The following L3MBTL1 variants were observed in gnomAD, a reference collection of about 807,000 sequenced individuals.
The protein encoded by L3MBTL1 is lethal(3)malignant brain tumor-like protein 1.
A neutral mutation model predicts 105.3 loss-of-function variants in L3MBTL1; 75 were observed. The ratio of observed to expected loss-of-function variants is 0.71; its 90% CI spans 0.59 to 0.86. The LOEUF is 0.86. Among genes scored for constraint, L3MBTL1 ranks in the 40% least tolerant of loss-of-function variants. The pLI, the probability that L3MBTL1 is intolerant of heterozygous loss-of-function variation, is 0.00. For synonymous variants in L3MBTL1, 452 were observed against 436.2 expected (o/e 1.04, Z -0.45); for missense variants, 1,069 against 1,126.4 (o/e 0.95, Z 0.73).
intron 7 of L3MBTL1, among the ~76,000 whole-genome samples, chr20:43,517,687 G>A (rs1233566483): frequency 1.3e-5 from 2 of 152,188 alleles, no homozygotes; most frequent in Non-Finnish European, 2.9e-5. Flanking sequence ...TTTTTATGTT[G>A]ATGGTTTCTC....
chr20:43,510,406 CTTT>C (rs11476429), intron 1 of L3MBTL1, among the ~76,000 whole-genome samples: 162 of 127,560 alleles, frequency 1.3e-3, no homozygotes, highest in African/African-American at 4.1e-3. Flanking sequence ...TTCTTTCTTT[CTTT>C]TTTTTTTTTT....
At chr20:43,514,386 G>T in intron 3 of L3MBTL1, 1 of 1,408,390 alleles carries the variant, frequency 7.1e-7, no homozygotes, top group Non-Finnish European at 9.3e-7. Flanking sequence ...GTGGGACTGG[G>T]CCTGTGGGAG....
At chr20:43,531,657 A>C (rs1227468345) in intron 11 of L3MBTL1, 1 of 152,568 alleles carries the variant, frequency 6.6e-6, no homozygotes, top group Non-Finnish European at 1.5e-5. Context: ...CGGAAGTTGC[A>C]GTGAGCCAAG....
chr20:43,547,515 A>C (rs967854368), intron 18 of L3MBTL1, among the ~76,000 whole-genome samples: 1 of 152,088 alleles, frequency 6.6e-6, no homozygotes, highest in African/African-American at 2.4e-5. Context: ...CATGAACTGA[A>C]AGTTAGATCC....
intron 7 of L3MBTL1, among the ~76,000 whole-genome samples, chr20:43,519,539 G>A (rs942505207): frequency 6.6e-6 from 1 of 152,186 alleles, no homozygotes; most frequent in South Asian, 2.1e-4. Flanking sequence ...GGGAGCCTGA[G>A]GCAGGAGAAT....
At position 43,534,890 on chromosome 20, in the gene L3MBTL1, C is replaced by A; in HGVS notation, c.1773C>A (p.Ile591=). 1 of 1,610,074 alleles carries A rather than the reference C, an allele frequency of 6.2e-7. No individual in the cohort carries two copies. Among genetic ancestry groups the A allele is most frequent in the Non-Finnish European group, 8.5e-7 (1 of 1,179,758 alleles). The change falls in exon 16 of 22, where the codon ATC becomes ATA. Residue 591 remains isoleucine (I), a synonymous_variant. Coordinates refer to ENST00000418998, the MANE Select transcript of L3MBTL1 (RefSeq NM_001377303.1). ...GGATCGACGCTGACCACCCAGACAT[C>A]CACCCTGCCGGCTGGTGCTCCAAGA... ...DFWIDADHPD[I]HPAGWCSKTG... is the part of the protein sequence containing the mutation.
intron 1 of L3MBTL1, among the ~76,000 whole-genome samples, chr20:43,509,486 C>T (rs2018076390): frequency 6.6e-6 from 1 of 152,232 alleles, no homozygotes; most frequent in Non-Finnish European, 1.5e-5. Context: ...CTTGGCCTCC[C>T]AAAGTGCTAG....
chr20:43,540,159 C>T lies in L3MBTL1; in HGVS notation c.2182C>T (p.Pro728Ser). The T allele has an allele frequency of 6.2e-7, 1 of 1,612,090 alleles. No homozygotes were observed. The highest frequency in any genetic ancestry group is 8.5e-7 in the Non-Finnish European group (1 of 1,180,012). ...CTGCCTCTGCTTTCCAGCCCTCACG[C>T]CCGATGTCGTGCACCAGTCCCTCTT... Reference protein sequence around the residue: ...IPQEDFQTLTPDVVHQSLFMS... With the variant: ...IPQEDFQTLTSDVVHQSLFMS... Residue 728 changes from proline to serine, a missense_variant, in exon 20 of 22, where the codon CCC becomes TCC. Transcript: ENST00000418998.
chr20:43,524,421 A>G (rs2018907105), intron 7 of L3MBTL1, among the ~76,000 whole-genome samples: 1 of 152,210 alleles, frequency 6.6e-6, no homozygotes, highest in Non-Finnish European at 1.5e-5. Flanking sequence ...AGTAAGCAAA[A>G]CACAGTACTA....
intron 14 of L3MBTL1, 67 bp downstream of exon 14, chr20:43,534,160 T>G: frequency 6.4e-7 from 1 of 1,557,994 alleles, no homozygotes. Flanking sequence ...CTAGCCAGGC[T>G]GGGGCCCTAG....
chr20:43,522,297 G>A (rs560136718), intron 7 of L3MBTL1, among the ~76,000 whole-genome samples: 8 of 152,152 alleles, frequency 5.3e-5, no homozygotes, highest in African/African-American at 1.9e-4. Flanking sequence ...GGAGGTTGCA[G>A]TGAGCTGAGA....
At chr20:43,548,259 G>C in exon 19 of L3MBTL1, 1 of 1,301,944 alleles carries the variant, frequency 7.7e-7, no homozygotes, top group South Asian at 1.2e-5. Flanking sequence ...GCCCAGGGCT[G>C]GGCCCTCCTG....
At position 43,513,552 on chromosome 20, in the gene L3MBTL1, T is replaced by C. The variant is rs773373541; in HGVS notation, c.49T>C (p.Ser17Pro). The C allele has an allele frequency of 6.4e-7, 1 of 1,550,690 alleles. No individual in the cohort carries two copies. The highest frequency in any genetic ancestry group is 1.2e-5 in the South Asian group (1 of 84,056). ...MEMLRTLKGP[S>P]TGEVSMHLVA... ...GATGCTGAGGACACTGAAGGGGCCT[T>C]CCACAGGGGAGGTCAGCATGCACTT... The change falls in exon 2 of 22, where the codon TCC (serine) becomes CCC (proline). Residue 17 changes from serine to proline, a missense_variant. Physicochemically the swap from Ser to Pro is moderately conservative, Grantham distance 74 (BLOSUM62 -1). Coordinates refer to ENST00000418998, the MANE Select transcript of L3MBTL1 (RefSeq NM_001377303.1).
intron 7 of L3MBTL1, chr20:43,523,534 C>T: frequency 3.7e-6 from 1 of 267,330 alleles, no homozygotes; most frequent in Non-Finnish European, 7.5e-6. Flanking sequence ...AAAACCCAAA[C>T]CAGTGCAAAG....
At chr20:43,537,519 T>G (rs1178088339) in intron 19 of L3MBTL1, among the ~76,000 whole-genome samples, 1 of 152,158 alleles carries the variant, frequency 6.6e-6, no homozygotes, top group Non-Finnish European at 1.5e-5. Context: ...TAAAGGCCCT[T>G]TTTCCAAATG....
intron 7 of L3MBTL1, among the ~76,000 whole-genome samples, chr20:43,522,825 G>A (rs1177518205): frequency 4.0e-5 from 6 of 148,490 alleles, no homozygotes; most frequent in Non-Finnish European, 3.0e-5. Flanking sequence ...TCAGATGGCC[G>A]GGCATGGTAG....
chr20:43,509,766 C>T (rs1314072009), intron 1 of L3MBTL1, among the ~76,000 whole-genome samples: 2 of 152,218 alleles, frequency 1.3e-5, no homozygotes, highest in Non-Finnish European at 2.9e-5. Context: ...CTTCAATAGA[C>T]CTGAGATGTG....
Position 43,530,356 on chromosome 20 carries a change from T to A in L3MBTL1, c.1129T>A (p.Ser377Thr). ...CCATGACTTCTGGGTCAATGCCAAC[T>A]CCCCTGACATTCACCCTGCTGGCTG... ...ECHDFWVNAN[S>T]PDIHPAGWFE... Residue 377 changes from serine to threonine, a missense_variant, in exon 10 of 22, where the codon TCC (serine) becomes ACC (threonine). Transcript: ENST00000418998. 6.2e-7 allele frequency: 1 copy of A among 1,613,976 alleles called. No individual in the cohort carries two copies. The highest frequency in any genetic ancestry group is 8.5e-7 in the Non-Finnish European group (1 of 1,179,944).
At chr20:43,524,066 A>G (rs190745891) in intron 7 of L3MBTL1, among the ~76,000 whole-genome samples, 8 of 151,820 alleles carry the variant, frequency 5.3e-5, no homozygotes, top group East Asian at 3.9e-4. Context: ...GCCTTAAGCA[A>G]TCCTCCTACC....
Sources: allele counts gnomAD v4.1 joint callset (sites outside exome capture counted in the v4.1 genomes callset), GRCh38; gene constraint gnomAD v4.1.1; transcripts MANE v1.5; gene names NCBI Gene and HGNC (gene_info 2026-07-23, HGNC 2026-07-21).